The following PROM1 variants were observed in gnomAD, a reference collection of about 807,000 sequenced individuals.
PROM1 encodes the protein prominin 1, also known as prominin-1.
A neutral mutation model predicts 116.9 loss-of-function variants in PROM1; 105 were observed. The observed-to-expected ratio is 0.90, with a 90% CI of 0.77 to 1.06. PROM1 has a LOEUF of 1.06. Ranked by LOEUF, PROM1 falls within the 50% of genes least tolerant of loss-of-function variation. The pLI is 0.00. For synonymous variants in PROM1, 393 were observed against 387.0 expected (o/e 1.02, Z -0.18); for missense variants, 1,122 against 1,045.2 (o/e 1.07, Z -1.01).
chr4:16,035,698 T>C (rs542382873), intron 4 of PROM1, 37 bp downstream of exon 4: 2 of 1,586,778 alleles, frequency 1.3e-6, no homozygotes, highest in East Asian at 4.5e-5. Context: ...AGAAAGGCTT[T>C]CCAAGAGCAA....
chr4:15,989,636 G>A, intron 19 of PROM1, 96 bp downstream of exon 19: 1 of 1,037,726 alleles, frequency 9.6e-7, no homozygotes, highest in Non-Finnish European at 1.5e-6. Context: ...GGACCTATGA[G>A]AGATGAGCAT....
chr4:16,043,278 G>A (rs1372580701), intron 2 of PROM1, among the ~76,000 whole-genome samples: 1 of 152,184 alleles, frequency 6.6e-6, no homozygotes, highest in Non-Finnish European at 1.5e-5. Context: ...GTGAGAGACA[G>A]ACTCAACAGA....
At chr4:15,999,139 G>C (rs1014686383) in intron 14 of PROM1, among the ~76,000 whole-genome samples, 2 of 152,180 alleles carry the variant, frequency 1.3e-5, no homozygotes. Flanking sequence ...GGTGGACCCA[G>C]TGCTGCGCTA....
At chr4:16,056,723 G>C (rs73798827) in intron 2 of PROM1, among the ~76,000 whole-genome samples, 3,358 of 152,240 alleles carry the variant, frequency 0.022, 74 homozygotes, top group African/African-American at 0.053. Context: ...AAAGGGAATA[G>C]GCAGAGAAGC....
chr4:15,996,822 TAAG>T (rs1441495116), intron 15 of PROM1, among the ~76,000 whole-genome samples: 1 of 152,092 alleles, frequency 6.6e-6, no homozygotes, highest in Non-Finnish European at 1.5e-5. Context: ...GAGAGAATAA[TAAG>T]AACACTAAGA....
At chr4:15,971,293 G>A in intron 26 of PROM1, 1 of 531,314 alleles carries the variant, frequency 1.9e-6, no homozygotes, top group Non-Finnish European at 3.4e-6. Context: ...AGAAGATAAA[G>A]AGGATAAACA....
chr4:15,992,723 AT>A (rs1317886965), intron 16 of PROM1, among the ~76,000 whole-genome samples: 3 of 152,200 alleles, frequency 2.0e-5, no homozygotes, highest in Non-Finnish European at 4.4e-5. Context: ...TTCATTTCCC[AT>A]CTCTTTCTCT....
chr4:15,972,642 G>A (rs894070667), intron 26 of PROM1, among the ~76,000 whole-genome samples: 5 of 152,226 alleles, frequency 3.3e-5, no homozygotes, highest in Non-Finnish European at 5.9e-5. Context: ...GGAAGCTCCT[G>A]ATGTAAGAGA....
intron 10 of PROM1, 147 bp from the exon 11 acceptor site, chr4:16,013,485 T>A (rs1727451310): frequency 3.3e-6 from 2 of 600,188 alleles, no homozygotes; most frequent in African/African-American, 1.8e-5. Flanking sequence ...TATATGGTCA[T>A]CAAGAGTCTA....
At chr4:16,037,687 A>T (rs973018181) in intron 3 of PROM1, among the ~76,000 whole-genome samples, 1 of 152,202 alleles carries the variant, frequency 6.6e-6, no homozygotes, top group Non-Finnish European at 1.5e-5. Flanking sequence ...AAAGTGCTTT[A>T]CTTACCGAGA....
rs185864908 is a variant in PROM1, at chr4:16,079,961, C to T, written c.-212-3843G>A. 3 of 114,186 alleles carry T rather than the reference C, an allele frequency of 2.6e-5. No individual in the cohort carries two copies. The East Asian group carries it at 9.0e-4, about 34-fold the overall frequency. The allele number at this position is 114,186 out of a possible 1,614,324, so 7.1% of individuals were successfully genotyped here. A position where few individuals can be genotyped will look rare whatever the true frequency, so the allele number is the denominator to read the frequency against. The stretch of plus-strand genomic sequence containing the variant: ...CAGAGCCTGGAACACAGTTGGTACT[C>T]AATGAAGAATTGCTACCAGCCTGGG... On this transcript the variant is annotated intron_variant, in intron 1 of 27. Coordinates refer to ENST00000447510, the MANE Select transcript of PROM1 (RefSeq NM_006017.3).
chr4:15,978,136 C>T (rs1271680628), intron 26 of PROM1, among the ~76,000 whole-genome samples: 2 of 152,146 alleles, frequency 1.3e-5, no homozygotes, highest in Non-Finnish European at 2.9e-5. Flanking sequence ...CTTCACCGGA[C>T]ACCGAATCTG....
In PROM1 at chr4:16,033,650, C is replaced by T. The variant is rs1437884609; in HGVS notation, c.304-141G>A. The T allele has an allele frequency of 4.0e-5, 27 of 670,808 alleles. No homozygotes were observed. The South Asian group carries it at 5.4e-4, about 13-fold the overall frequency. The allele number at this position is 670,808 out of a possible 1,614,324, so 41.6% of individuals were successfully genotyped here. A position where few individuals can be genotyped will look rare whatever the true frequency, so the allele number is the denominator to read the frequency against. ...TGTTGCCCAGGCTGGAGCGCAGTGG[C>T]GCGATTTCGGCTCACTGCAACCTCT... On this transcript the variant is annotated intron_variant, in intron 4 of 27. Transcript: ENST00000447510.
intron 2 of PROM1, among the ~76,000 whole-genome samples, chr4:16,071,940 GA>G (rs1742912011): frequency 2.6e-5 from 4 of 152,136 alleles, no homozygotes; most frequent in Admixed American, 1.3e-4. Flanking sequence ...AGGTTTGAAT[GA>G]ATGAACAAGA....
intron 24 of PROM1, 24 bp downstream of exon 24, chr4:15,980,398 G>A (rs1201488539): frequency 9.0e-6 from 13 of 1,446,454 alleles, no homozygotes; most frequent in Middle Eastern, 1.7e-4. Flanking sequence ...TGACCCCCAC[G>A]TCTGTGGAAG....
At chr4:16,024,091 G>C (rs553407115) in intron 7 of PROM1, among the ~76,000 whole-genome samples, 1 of 152,180 alleles carries the variant, frequency 6.6e-6, no homozygotes, top group Non-Finnish European at 1.5e-5. Flanking sequence ...AAAAACAAAA[G>C]GTCCTGCTGC....
At chr4:15,973,561 T>C (rs1212671880) in intron 26 of PROM1, among the ~76,000 whole-genome samples, 1 of 152,204 alleles carries the variant, frequency 6.6e-6, no homozygotes, top group Non-Finnish European at 1.5e-5. Context: ...ATGGTGTTTT[T>C]TTCTCCACAT....
At chr4:16,079,669 T>C (rs1003807830) in intron 1 of PROM1, among the ~76,000 whole-genome samples, 12 of 152,142 alleles carry the variant, frequency 7.9e-5, no homozygotes, top group African/African-American at 2.9e-4. Flanking sequence ...ATTTCTGGGA[T>C]GAAACCCATT....
intron 8 of PROM1, among the ~76,000 whole-genome samples, chr4:16,022,359 T>C (rs1366492202): frequency 5.9e-5 from 9 of 152,130 alleles, no homozygotes; most frequent in Non-Finnish European, 1.2e-4. Flanking sequence ...TTCGTGATGT[T>C]ATTGTCGATG....
Sources: allele counts gnomAD v4.1 joint callset (sites outside exome capture counted in the v4.1 genomes callset), GRCh38; gene constraint gnomAD v4.1.1; transcripts MANE v1.5; gene names NCBI Gene and HGNC (gene_info 2026-07-23, HGNC 2026-07-21).